The following WWP2 variants were observed in gnomAD, a reference collection of about 807,000 sequenced individuals.
The protein encoded by WWP2 is NEDD4-like E3 ubiquitin-protein ligase WWP2.
WWP2 carries 57 observed loss-of-function variants against 121.0 expected under a neutral mutation model. The ratio of observed to expected loss-of-function variants is 0.47; its 90% CI spans 0.38 to 0.59. The LOEUF (loss-of-function observed/expected upper bound fraction) is 0.59, where lower values mean the gene tolerates loss of function less well. Among genes scored for constraint, WWP2 ranks in the 20% least tolerant of loss-of-function variants. The pLI is 0.00. For synonymous variants in WWP2, 449 were observed against 441.3 expected (o/e 1.02, Z -0.22); for missense variants, 962 against 1,158.9 (o/e 0.83, Z 2.47).
chr16:69,784,908 A>G (rs1187841148), intron 1 of WWP2, among the ~76,000 whole-genome samples: 1 of 152,146 alleles, frequency 6.6e-6, no homozygotes, highest in African/African-American at 2.4e-5. Context: ...ATTTGTTACC[A>G]ATGATAAAAT....
chr16:69,775,996 A>G (rs551067239), intron 1 of WWP2, among the ~76,000 whole-genome samples: 2 of 152,130 alleles, frequency 1.3e-5, no homozygotes, highest in Non-Finnish European at 2.9e-5. Flanking sequence ...TTTCCCTAAA[A>G]ACTCCTTCTT....
At chr16:69,914,221 A>G (rs1567428614) in intron 9 of WWP2, among the ~76,000 whole-genome samples, 1 of 152,132 alleles carries the variant, frequency 6.6e-6, no homozygotes, top group Non-Finnish European at 1.5e-5. Context: ...AACAGGCAAT[A>G]GGAAATCATT....
At chr16:69,851,100 T>A (rs1317628521) in intron 6 of WWP2, among the ~76,000 whole-genome samples, 2 of 149,296 alleles carry the variant, frequency 1.3e-5, no homozygotes, top group Non-Finnish European at 1.5e-5. Context: ...AACCTCTGCC[T>A]CCCAGGTTCA....
chr16:69,856,724 A>G (rs2057320258), intron 6 of WWP2, among the ~76,000 whole-genome samples: 1 of 152,036 alleles, frequency 6.6e-6, no homozygotes, highest in Non-Finnish European at 1.5e-5. Context: ...CAGTGAGCTG[A>G]GATCACGCCA....
At chr16:69,915,752 G>C (rs2058470551) in intron 9 of WWP2, among the ~76,000 whole-genome samples, 1 of 152,152 alleles carries the variant, frequency 6.6e-6, no homozygotes, top group Middle Eastern at 3.4e-3. Context: ...TATGACTTCG[G>C]GCCGGGTGCA....
intron 4 of WWP2, among the ~76,000 whole-genome samples, chr16:69,825,289 TGGC>T (rs1048151368): frequency 6.6e-6 from 1 of 151,574 alleles, no homozygotes. Context: ...CTGGGCATGG[TGGC>T]AGGCACCTGT....
intron 9 of WWP2, among the ~76,000 whole-genome samples, chr16:69,912,994 ATTTTTTTTTTTTTTTTTTTTTTTTT>A (rs1198509809): frequency 7.6e-4 from 3 of 3,936 alleles, no homozygotes; most frequent in African/African-American, 3.5e-3. Context: ...ATATATATAT[ATTTTTTTTTTTTTTTTTTTTTTTTT>A]TTTTTTTTTT....
intron 9 of WWP2, among the ~76,000 whole-genome samples, chr16:69,911,189 C>T (rs4985451): frequency 0.74 from 112,420 of 152,216 alleles, 42,374 homozygotes; most frequent in East Asian, 0.96. Context: ...TAATCATGGC[C>T]GTCCCTGCAT....
At chr16:69,885,072 C>T (rs1597107703) in intron 7 of WWP2, among the ~76,000 whole-genome samples, 1 of 151,286 alleles carries the variant, frequency 6.6e-6, no homozygotes, top group South Asian at 2.1e-4. Context: ...TCCCCCTACA[C>T]ACACACACCA....
Position 69,937,002 on chromosome 16 carries a change from C to A in WWP2, c.2118-116C>A. 7.1e-7 allele frequency: 1 copy of A among 1,399,068 alleles called. No homozygotes were observed. Among genetic ancestry groups the A allele is most frequent in the Non-Finnish European group, 9.5e-7 (1 of 1,050,818 alleles). The allele number at this position is 1,399,068 out of a possible 1,614,324, so 86.7% of individuals were successfully genotyped here. ...CTCCAGCAGGCTGGGTCTGGGTGTG[C>A]GAAGTGGGCTCTGCTGATCTGGTGG... On this transcript the variant is annotated intron_variant, in intron 19 of 23. Coordinates refer to ENST00000359154, the MANE Select transcript of WWP2 (RefSeq NM_001270454.2). The surrounding 1 kb of genome is among the most constrained non-coding windows in gnomAD (Gnocchi z 6.6).
intron 1 of WWP2, among the ~76,000 whole-genome samples, chr16:69,784,619 T>C (rs1159710015): frequency 6.6e-6 from 1 of 152,198 alleles, no homozygotes; most frequent in Admixed American, 6.5e-5. Flanking sequence ...AATTCATTAA[T>C]TTTATGAAGT....
intron 8 of WWP2, among the ~76,000 whole-genome samples, chr16:69,906,533 C>A (rs1202162489): frequency 1.3e-5 from 2 of 152,172 alleles, no homozygotes; most frequent in Non-Finnish European, 2.9e-5. Flanking sequence ...TCTTCATATA[C>A]AGTTAGCTCT....
chr16:69,877,859 G>A (rs910861522), intron 7 of WWP2, among the ~76,000 whole-genome samples: 2 of 152,074 alleles, frequency 1.3e-5, no homozygotes, highest in African/African-American at 2.4e-5. Context: ...CCACGCTGGA[G>A]TGCAATGGCA....
At chr16:69,921,935 G>A (rs369223567) in intron 10 of WWP2, among the ~76,000 whole-genome samples, 41 of 152,072 alleles carry the variant, frequency 2.7e-4, no homozygotes, top group African/African-American at 8.2e-4. Flanking sequence ...TTAGCTGGGC[G>A]TGGTGGCGGG....
At chr16:69,783,213 T>C (rs979095541) in intron 1 of WWP2, 14 of 152,274 alleles carry the variant, frequency 9.2e-5, no homozygotes, top group African/African-American at 3.1e-4. Context: ...TTTCATCACA[T>C]TGGCCGGGTT....
At chr16:69,786,903 CT>C (rs1281318782) in intron 1 of WWP2, 92 bp from the exon 2 acceptor site, 70 of 1,139,924 alleles carry the variant, frequency 6.1e-5, no homozygotes, top group African/African-American at 2.6e-4. Context: ...ATTTTCTTGC[CT>C]GTTTCTTTAA....
At chr16:69,877,176 C>A (rs141484471) in intron 7 of WWP2, among the ~76,000 whole-genome samples, 2 of 152,304 alleles carry the variant, frequency 1.3e-5, no homozygotes, top group African/African-American at 4.8e-5. Context: ...GCTGTTGTTT[C>A]GTGTGGCCAA....
At chr16:69,822,300 C>T (rs191564090) in intron 4 of WWP2, among the ~76,000 whole-genome samples, 8 of 152,238 alleles carry the variant, frequency 5.3e-5, no homozygotes, top group South Asian at 4.1e-4. Flanking sequence ...CAGGGCCTGA[C>T]GCTGATTTAT....
chr16:69,821,141 G>A (rs1429269908), intron 4 of WWP2, among the ~76,000 whole-genome samples: 4 of 152,160 alleles, frequency 2.6e-5, no homozygotes, highest in African/African-American at 4.8e-5. Flanking sequence ...TGTCTTTAGC[G>A]GTCTCTGAAA....
Sources: gnomAD v4.1 joint callset for allele counts (sites outside exome capture counted in the v4.1 genomes callset) on GRCh38, gnomAD v4.1.1 for gene constraint, Gnocchi (gnomAD v3.1) non-coding constraint, MANE v1.5 for transcripts, NCBI Gene and HGNC (gene_info 2026-07-23, HGNC 2026-07-21) for gene names.